The following LONP2 variants were observed in gnomAD, a reference collection of about 807,000 sequenced individuals.
LONP2 encodes lon protease homolog 2, peroxisomal.
In LONP2, 60 loss-of-function variants were observed where a neutral mutation model predicts 85.6. That is an observed-to-expected ratio of 0.70 (90% CI 0.57 to 0.87). The LOEUF is 0.87. Ranked by LOEUF, LONP2 falls within the 40% of genes least tolerant of loss-of-function variation. LONP2 has a pLI of 0.00. For missense variants in LONP2, 860 were observed against 1,063.5 expected (o/e 0.81, Z 2.66); for synonymous variants, 395 against 389.7 (o/e 1.01, Z -0.16).
At chr16:48,265,133 T>C (rs1944618638) in intron 6 of LONP2, among the ~76,000 whole-genome samples, 1 of 152,236 alleles carries the variant, frequency 6.6e-6, no homozygotes, top group African/African-American at 2.4e-5. Flanking sequence ...ATCAGAAATA[T>C]GGTTTGCACA....
chr16:48,279,384 G>A (rs1364208832), intron 8 of LONP2, among the ~76,000 whole-genome samples: 2 of 152,072 alleles, frequency 1.3e-5, no homozygotes, highest in Non-Finnish European at 2.9e-5. Context: ...ATAGCTTTAA[G>A]TCTTCCTTCT....
At chr16:48,245,422 A>T (rs58409512) in intron 1 of LONP2, among the ~76,000 whole-genome samples, 29,711 of 152,166 alleles carry the variant, frequency 0.2, 3,392 homozygotes, top group African/African-American at 0.31. Context: ...CTCTTAGGCA[A>T]GTTATGAAGA....
intron 12 of LONP2, among the ~76,000 whole-genome samples, chr16:48,341,391 G>T (rs564772600): frequency 5.9e-5 from 9 of 152,310 alleles, no homozygotes; most frequent in Non-Finnish European, 8.8e-5. Flanking sequence ...GAAAGTGAAG[G>T]GGGAGCCGGC....
At chr16:48,348,079 G>C (rs772098362) in intron 13 of LONP2, 21 bp from the exon 14 acceptor site, 9 of 1,570,188 alleles carry the variant, frequency 5.7e-6, no homozygotes, top group Admixed American at 2.2e-5. Context: ...CTACATTAAA[G>C]TCCCTTTTTC....
Position 48,357,210 on chromosome 16 carries a change from T to C in LONP2, c.*5408T>C, listed in dbSNP as rs1000885150. 3.9e-5 allele frequency: 6 copies of C among 152,214 alleles called. No individual in the cohort carries two copies. The highest frequency in any genetic ancestry group is 7.2e-5 in the African/African-American group (3 of 41,440). The allele number at this position is 152,214 out of a possible 1,614,324, so 9.4% of individuals were successfully genotyped here. A position where few individuals can be genotyped will look rare whatever the true frequency, so the allele number is the denominator to read the frequency against. ...GCAGAGAAGGTATTTAAATAAAAAC[T>C]GGTAGATACAGAGTCAGAAGTCAAC... On this transcript the variant is annotated 3_prime_UTR_variant, in exon 15 of 15. Transcript: ENST00000285737.
chr16:48,278,506 A>G (rs1446003566), intron 8 of LONP2, among the ~76,000 whole-genome samples: 1 of 152,168 alleles, frequency 6.6e-6, no homozygotes, highest in Non-Finnish European at 1.5e-5. Flanking sequence ...ATATCTGAAA[A>G]TGTCTTTATG....
At position 48,292,766 on chromosome 16, in the gene LONP2, T is replaced by A. The variant is rs1198850229; in HGVS notation, c.1384-3249T>A. 2.0e-5 allele frequency among the ~76,000 whole-genome samples: 3 copies of A among 152,248 alleles called. No homozygotes were observed. The East Asian group carries it at 5.8e-4, about 29-fold the overall frequency. Reference sequence around the variant, plus strand: ...TTCTGTACACTCTTTGTTTTCTGCATGTCGCTTTCCTTTTTCTGTCCATAA... The same window carrying A: ...TTCTGTACACTCTTTGTTTTCTGCAAGTCGCTTTCCTTTTTCTGTCCATAA... On this transcript the variant is annotated intron_variant, in intron 8 of 14. Coordinates refer to ENST00000285737, the MANE Select transcript of LONP2 (RefSeq NM_031490.5).
chr16:48,335,092 AT>A (rs1220144668), intron 12 of LONP2, among the ~76,000 whole-genome samples: 1 of 152,152 alleles, frequency 6.6e-6, no homozygotes. Flanking sequence ...CCCCAGTCTC[AT>A]TTTATTCTCT....
intron 11 of LONP2, among the ~76,000 whole-genome samples, chr16:48,330,101 C>CT (rs1491109889): frequency 2.0e-5 from 3 of 152,196 alleles, no homozygotes. Flanking sequence ...GATCTCTTTA[C>CT]TTTTTTTAAC....
intron 1 of LONP2, among the ~76,000 whole-genome samples, chr16:48,250,413 C>T (rs1018140547): frequency 1.1e-4 from 16 of 150,626 alleles, no homozygotes; most frequent in South Asian, 2.2e-4. Context: ...ATCTGGGAGA[C>T]GGAGGTTGCA....
At chr16:48,326,058 A>C (rs901053638) in intron 11 of LONP2, among the ~76,000 whole-genome samples, 2 of 152,110 alleles carry the variant, frequency 1.3e-5, no homozygotes, top group Admixed American at 6.5e-5. Context: ...CTTAGATATA[A>C]ATGGAGGGTT....
At chr16:48,254,490 A>G (rs1251521182) in intron 2 of LONP2, among the ~76,000 whole-genome samples, 1 of 151,878 alleles carries the variant, frequency 6.6e-6, no homozygotes, top group Admixed American at 6.6e-5. Context: ...CAGCCTCCCA[A>G]GTAGCTGGCA....
rs1960171069 is a variant in LONP2 at position 48,352,122 on chromosome 16, C to T, written c.*320C>T. 1 of 260,736 alleles carries T rather than the reference C, an allele frequency of 3.8e-6. No homozygotes were observed. Among genetic ancestry groups the T allele is most frequent in the Admixed American group, 4.8e-5 (1 of 20,782 alleles). The allele number at this position is 260,736 out of a possible 1,614,324, so 16.2% of individuals were successfully genotyped here. The stretch of plus-strand genomic sequence containing the variant: ...TGGTAACTTGTTAGAAATGTACATT[C>T]TCAGGCTCCACAGCAGGCCGCCTGA... On this transcript the variant is annotated 3_prime_UTR_variant, in exon 15 of 15. Transcript: ENST00000285737.
intron 6 of LONP2, among the ~76,000 whole-genome samples, chr16:48,263,129 C>T (rs1406849152): frequency 6.6e-6 from 1 of 152,172 alleles, no homozygotes; most frequent in African/African-American, 2.4e-5. Flanking sequence ...ACATATCCGT[C>T]ACCTCCAAAG....
At chr16:48,357,900 G>A (rs368260459), downstream of LONP2, among the ~76,000 whole-genome samples, 7 of 152,168 alleles carry the variant, frequency 4.6e-5, no homozygotes, top group East Asian at 1.4e-3. Flanking sequence ...ACACCAAACT[G>A]GCCCATGATT....
At chr16:48,303,533 T>C (rs1972851568) in intron 11 of LONP2, among the ~76,000 whole-genome samples, 1 of 152,216 alleles carries the variant, frequency 6.6e-6, no homozygotes, top group Admixed American at 6.5e-5. Context: ...TATGAATGCT[T>C]TGAGGATATA....
chr16:48,264,312 CG>C (rs555744152), intron 6 of LONP2, among the ~76,000 whole-genome samples: 41 of 151,414 alleles, frequency 2.7e-4, no homozygotes, highest in African/African-American at 8.5e-4. Context: ...AGGTACGCCC[CG>C]GGGGGGCCAG....
chr16:48,327,596 T>A (rs748523909), intron 11 of LONP2, among the ~76,000 whole-genome samples: 4 of 152,150 alleles, frequency 2.6e-5, no homozygotes, highest in Non-Finnish European at 4.4e-5. Flanking sequence ...TAGCTGGGAT[T>A]ACAGGCACCT....
At chr16:48,286,142 CTTTTT>C (rs112681466) in intron 8 of LONP2, among the ~76,000 whole-genome samples, 254 of 137,390 alleles carry the variant, frequency 1.8e-3, no homozygotes, top group Non-Finnish European at 3.1e-3. Flanking sequence ...GATTTGTAAT[CTTTTT>C]TTTTTTTTTT....
Sources: allele counts gnomAD v4.1 joint callset (sites outside exome capture counted in the v4.1 genomes callset), GRCh38; gene constraint gnomAD v4.1.1; transcripts MANE v1.5; gene names NCBI Gene and HGNC (gene_info 2026-07-23, HGNC 2026-07-21).